The following FHAD1 variants were observed in gnomAD, a reference collection of about 807,000 sequenced individuals.
FHAD1 encodes forkhead associated phosphopeptide binding domain 1.
Under a neutral mutation model 191.3 loss-of-function variants are expected in FHAD1, and 146 were observed. The ratio of observed to expected loss-of-function variants is 0.76; its 90% CI spans 0.67 to 0.88. FHAD1 has a LOEUF of 0.88. FHAD1 is among the 40% of genes least tolerant of loss of function. The pLI is 0.00. For synonymous variants in FHAD1, 616 were observed against 672.3 expected, an observed-to-expected ratio of 0.92 and a Z score of 1.29; for missense variants, 1,635 against 1,785.8, an observed-to-expected ratio of 0.92 and a Z score of 1.52.
chr1:15,324,537 A>G lies in FHAD1; in HGVS notation c.1451A>G (p.Asn484Ser). The change falls in exon 11 of 34, where the codon AAT becomes AGT. Residue 484 changes from asparagine to serine, a missense_variant. By Grantham distance (46) the Asn-to-Ser change is conservative. Coordinates refer to ENST00000688493, the MANE Select transcript of FHAD1 (RefSeq NM_001391957.1). Reference protein sequence around the residue: ...MGNRESVIKINLERAVGQLEH... With the variant: ...MGNRESVIKISLERAVGQLEH... The stretch of plus-strand genomic sequence containing the variant: ...AACAGAGAGAGCGTCATTAAAATCA[A>G]TTTGGAGAGGGCAGTAGGTCAGGTA... 1 of 1,551,778 alleles carries G rather than the reference A, an allele frequency of 6.4e-7. No individual in the cohort carries two copies. Among genetic ancestry groups the G allele is most frequent in the South Asian group, 1.2e-5 (1 of 84,052 alleles).
intron 2 of FHAD1, among the ~76,000 whole-genome samples, chr1:15,260,013 G>A (rs182295786): frequency 9.2e-5 from 14 of 152,168 alleles, no homozygotes; most frequent in Admixed American, 3.3e-4. Context: ...TAGGCTAAGC[G>A]TTTCATGTTT....
At chr1:15,383,940 CT>C (rs1289358133) in intron 31 of FHAD1, 1 of 399,014 alleles carries the variant, frequency 2.5e-6, no homozygotes, top group Non-Finnish European at 5.0e-6. Context: ...CGTGAGTCCC[CT>C]CCTTGTAACT....
chr1:15,315,968 G>C (rs1346549691), intron 8 of FHAD1, among the ~76,000 whole-genome samples: 1 of 152,224 alleles, frequency 6.6e-6, no homozygotes, highest in Non-Finnish European at 1.5e-5. Flanking sequence ...CAGAACGGCT[G>C]TTCCATTTTC....
At chr1:15,385,938 C>T (rs1414150702) in intron 31 of FHAD1, among the ~76,000 whole-genome samples, 2 of 152,228 alleles carry the variant, frequency 1.3e-5, no homozygotes, top group Non-Finnish European at 2.9e-5. Flanking sequence ...CAGCTCCCTG[C>T]AGTGACAGTG....
chr1:15,265,989 AGAG>A (rs1481790459), intron 2 of FHAD1, among the ~76,000 whole-genome samples: 3 of 132,258 alleles, frequency 2.3e-5, no homozygotes, highest in African/African-American at 7.6e-5. Context: ...AAAAAAAAAA[AGAG>A]AGAGAGAGTT....
chr1:15,394,144 A>C (rs1705152048), intron 33 of FHAD1, among the ~76,000 whole-genome samples: 1 of 152,200 alleles, frequency 6.6e-6, no homozygotes, highest in African/African-American at 2.4e-5. Context: ...CACATTCCCC[A>C]TTCCCAGGTC....
intron 6 of FHAD1, among the ~76,000 whole-genome samples, chr1:15,302,448 G>A (rs1209794362): frequency 6.6e-6 from 1 of 152,028 alleles, no homozygotes; most frequent in East Asian, 1.9e-4. Context: ...AGTGATGGCT[G>A]GGCGCGGTGG....
intron 31 of FHAD1, chr1:15,383,938 C>T: frequency 4.9e-6 from 2 of 404,082 alleles, no homozygotes; most frequent in South Asian, 1.8e-5. Context: ...GCCGTGAGTC[C>T]CCTCCTTGTA....
intron 4 of FHAD1, among the ~76,000 whole-genome samples, chr1:15,292,748 C>T (rs1574042678): frequency 6.6e-6 from 1 of 152,208 alleles, no homozygotes; most frequent in African/African-American, 2.4e-5. Context: ...AGAAGAGAGG[C>T]CTCAGGAGAA....
chr1:15,388,184 G>T (rs1212362093), intron 32 of FHAD1, 53 bp downstream of exon 32: 22 of 1,133,662 alleles, frequency 1.9e-5, no homozygotes, highest in Non-Finnish European at 2.5e-5. Context: ...GTCTCAACTG[G>T]GGGTAAGAGC....
rs867357486 is a variant in FHAD1, at chr1:15,381,562, G to C, written c.4022+111G>C. On this transcript the variant is annotated intron_variant, in intron 30 of 33. Transcript: ENST00000688493. The surrounding 1 kb of genome is among the most constrained non-coding windows in gnomAD (Gnocchi z 4.6). Reference sequence around the variant, plus strand: ...CTGGGACAGGAGGACAGAGACCCACGTGTGGAATACCTGCAATGTCAGAAG... The same window carrying C: ...CTGGGACAGGAGGACAGAGACCCACCTGTGGAATACCTGCAATGTCAGAAG... 2 of 782,182 alleles carry C rather than the reference G, an allele frequency of 2.6e-6. No individual in the cohort carries two copies. Among genetic ancestry groups the C allele is most frequent in the Non-Finnish European group, 4.2e-6 (2 of 481,628 alleles). The allele number at this position is 782,182 out of a possible 1,614,324, so 48.5% of individuals were successfully genotyped here. A position where few individuals can be genotyped will look rare whatever the true frequency, so the allele number is the denominator to read the frequency against.
chr1:15,243,319 A>G (rs1645612859), upstream of FHAD1, among the ~76,000 whole-genome samples: 1 of 152,166 alleles, frequency 6.6e-6, no homozygotes, highest in Admixed American at 6.5e-5. Flanking sequence ...CAGGTTACTA[A>G]TGGGCCGTGG....
chr1:15,376,370 G>A (rs1699666548), intron 28 of FHAD1, among the ~76,000 whole-genome samples: 2 of 152,208 alleles, frequency 1.3e-5, no homozygotes, highest in South Asian at 2.1e-4. Context: ...GATGACAGGC[G>A]TGAGCCACTG....
chr1:15,320,204 G>A (rs984701023), intron 10 of FHAD1, among the ~76,000 whole-genome samples: 4 of 152,092 alleles, frequency 2.6e-5, no homozygotes, highest in Non-Finnish European at 5.9e-5. Flanking sequence ...ATTACACTGT[G>A]GTCAGAGAAC....
Position 15,388,106 on chromosome 1 carries a change from G to A in FHAD1, c.4244G>A (p.Cys1415Tyr). 1 of 1,289,848 alleles carries A rather than the reference G, an allele frequency of 7.8e-7. No homozygotes were observed. Among genetic ancestry groups the A allele is most frequent in the Non-Finnish European group, 1.0e-6 (1 of 988,834 alleles). The allele number at this position is 1,289,848 out of a possible 1,614,324, so 79.9% of individuals were successfully genotyped here. A position where few individuals can be genotyped will look rare whatever the true frequency, so the allele number is the denominator to read the frequency against. ...GCAAAAGAATCGACACCTTGCAACT[G>A]TGCCTTCAAAGAGAAAGACAGGCAG... ...RNAKESTPCN[C>Y]AFKEKDRQRR... The change falls in exon 32 of 34, where the codon TGT becomes TAT. Residue 1415 changes from cysteine to tyrosine, a missense_variant. Coordinates refer to ENST00000688493, the MANE Select transcript of FHAD1 (RefSeq NM_001391957.1).
In FHAD1 at chr1:15,395,657, T is replaced by C. The variant is rs567624978; in HGVS notation, c.4324-1640T>C. ...ACGCCCCCTCCTTTGAGCTGGGAAG[T>C]GCTCAAGGGGTTAAACAGACCCCCT... is the stretch of plus-strand genomic sequence containing the variant. On this transcript the variant is annotated intron_variant, in intron 33 of 33. Coordinates refer to ENST00000688493, the MANE Select transcript of FHAD1 (RefSeq NM_001391957.1). Among the ~76,000 whole-genome samples, 9 of 152,228 alleles carry C rather than the reference T, an allele frequency of 5.9e-5. No individual in the cohort carries two copies. In the South Asian group the frequency reaches 1.2e-3, roughly 21 times the overall value.
intron 14 of FHAD1, among the ~76,000 whole-genome samples, chr1:15,335,761 C>T (rs1359348216): frequency 6.6e-6 from 1 of 152,122 alleles, no homozygotes; most frequent in Non-Finnish European, 1.5e-5. Context: ...AAGACTTGTT[C>T]CTTCCCCCAA....
intron 31 of FHAD1, chr1:15,384,381 C>G (rs1417480071): frequency 1.3e-5 from 2 of 152,424 alleles, no homozygotes; most frequent in Non-Finnish European, 2.9e-5. Flanking sequence ...GCAGCAGAGT[C>G]CTGAGATGTC....
chr1:15,308,590 G>T, intron 6 of FHAD1, 23 bp from the exon 7 acceptor site: 2 of 1,551,334 alleles, frequency 1.3e-6, no homozygotes, highest in South Asian at 2.4e-5. Context: ...GCCCCCCTCT[G>T]ACTGTGCCAC....
Sources: gnomAD v4.1 joint callset for allele counts (sites outside exome capture counted in the v4.1 genomes callset) on GRCh38, gnomAD v4.1.1 for gene constraint, Gnocchi (gnomAD v3.1) non-coding constraint, MANE v1.5 for transcripts, NCBI Gene and HGNC (gene_info 2026-07-23, HGNC 2026-07-21) for gene names.